Variants in CSRNP3 observed in about 807,000 individuals in gnomAD.
CSRNP3 encodes the protein cysteine/serine-rich nuclear protein 3.
In CSRNP3, 12 loss-of-function variants were observed where a neutral mutation model predicts 48.0. The observed-to-expected ratio is 0.25, with a 90% CI of 0.16 to 0.41. The LOEUF is 0.41. Among genes scored for constraint, CSRNP3 ranks in the 10% least tolerant of loss-of-function variants. CSRNP3 has a pLI of 1.00. For synonymous variants in CSRNP3, 263 were observed against 269.7 expected (o/e 0.98, Z 0.24); for missense variants, 580 against 724.4 (o/e 0.80, Z 2.29).
chr2:165,477,390 AG>A (rs1247665002), intron 1 of CSRNP3, among the ~76,000 whole-genome samples: 1 of 149,716 alleles, frequency 6.7e-6, no homozygotes, highest in Non-Finnish European at 1.5e-5. Context: ...AGGCCGAGGC[AG>A]GCAGATCACA....
Position 165,481,944 on chromosome 2 carries a change from G to A in CSRNP3, c.-283+12204G>A, listed in dbSNP as rs868682038. On this transcript the variant is annotated intron_variant, in intron 1 of 6. Transcript: ENST00000651982. The stretch of plus-strand genomic sequence containing the variant: ...GGGAGGGCTCGAGGAGACAGAGTGC[G>A]GGAAGGTGGACTGGAAGGCTACCTA... Among the ~76,000 whole-genome samples the A allele has an allele frequency of 3.9e-5, 6 of 152,170 alleles. No individual in the cohort carries two copies. The South Asian group carries it at 8.3e-4, about 21-fold the overall frequency.
At chr2:165,543,251 T>C (rs1684981477) in intron 3 of CSRNP3, among the ~76,000 whole-genome samples, 1 of 152,216 alleles carries the variant, frequency 6.6e-6, no homozygotes, top group South Asian at 2.1e-4. Context: ...TTTACATTGT[T>C]ATTCTTTTAT....
At chr2:165,561,712 C>G (rs1045052413) in intron 3 of CSRNP3, among the ~76,000 whole-genome samples, 50 of 152,160 alleles carry the variant, frequency 3.3e-4, no homozygotes, top group African/African-American at 1.1e-3. Flanking sequence ...TTAATATTTG[C>G]TACCCCACAG....
intron 3 of CSRNP3, among the ~76,000 whole-genome samples, chr2:165,534,580 T>A (rs1684857401): frequency 6.6e-6 from 1 of 151,800 alleles, no homozygotes; most frequent in Admixed American, 6.6e-5. Flanking sequence ...GAGTAAAAAA[T>A]TGAAAAAACT....
chr2:165,553,946 G>A (rs1052188257), intron 3 of CSRNP3, among the ~76,000 whole-genome samples: 2 of 152,040 alleles, frequency 1.3e-5, no homozygotes, highest in Non-Finnish European at 2.9e-5. Context: ...TTACCCATCT[G>A]CTTAGCAAAA....
In CSRNP3 at chr2:165,685,149, T is replaced by G. The variant is rs1687609604; in HGVS notation, c.*5396T>G. The G allele has an allele frequency of 6.6e-6, 1 of 152,078 alleles. No individual in the cohort carries two copies. The highest frequency in any genetic ancestry group is 2.1e-4 in the South Asian group (1 of 4,830). The allele number at this position is 152,078 out of a possible 1,614,324, so 9.4% of individuals were successfully genotyped here. On this transcript the variant is annotated 3_prime_UTR_variant, in exon 7 of 7. Transcript: ENST00000651982. ...TTTCATGATTGTCAAAAGTAAAAAGTGCAGACATTTAAAAAAGCTCTTCTT... is the reference window on the plus strand; with the variant it reads ...TTTCATGATTGTCAAAAGTAAAAAGGGCAGACATTTAAAAAAGCTCTTCTT...
chr2:165,552,555 C>G lies in CSRNP3; in HGVS notation c.-24+34594C>G, dbSNP rs554434612. 9.2e-5 allele frequency among the ~76,000 whole-genome samples: 14 copies of G among 152,260 alleles called. No homozygotes were observed. The South Asian group carries it at 2.9e-3, about 32-fold the overall frequency. On this transcript the variant is annotated intron_variant, in intron 3 of 6. Coordinates refer to ENST00000651982, the MANE Select transcript of CSRNP3 (RefSeq NM_001172173.2). The stretch of plus-strand genomic sequence containing the variant: ...GTAGTTACATCTCCTTTAATCCTCA[C>G]CAACCTAAAAGGGGCAAATTATCAT...
rs1353959528 is a variant in CSRNP3 at position 165,681,672 on chromosome 2, ATGAT to A, written c.*1922_*1925del. On this transcript the variant is annotated 3_prime_UTR_variant, in exon 7 of 7. Coordinates refer to ENST00000651982, the MANE Select transcript of CSRNP3 (RefSeq NM_001172173.2). ...ATGAGAGCAGGGTTGTTCCTTTTGA[ATGAT>A]TGGCCCTTTGGGCTAATCAGAATGA... is the stretch of plus-strand genomic sequence containing the variant. 1 of 144,136 alleles carries A rather than the reference ATGAT, an allele frequency of 6.9e-6. No homozygotes were observed. The highest frequency in any genetic ancestry group is 7.0e-5 in the Admixed American group (1 of 14,206). 8.9% of individuals were successfully genotyped at this position (144,136 alleles called of 1,614,324 possible).
intron 4 of CSRNP3, among the ~76,000 whole-genome samples, chr2:165,631,649 C>T (rs1686538541): frequency 6.6e-6 from 1 of 152,164 alleles, no homozygotes; most frequent in African/African-American, 2.4e-5. Flanking sequence ...TTACACAGAT[C>T]AGTAAGTAAA....
rs56146559 is a variant in CSRNP3 at position 165,611,379 on chromosome 2, G to GTGTGTA, written c.148+16167_148+16168insGTGTAT. Among the ~76,000 whole-genome samples the GTGTGTA allele has an allele frequency of 3.6e-3, 540 of 150,930 alleles. 6 individuals are homozygous for GTGTGTA. Among genetic ancestry groups the GTGTGTA allele is most frequent in the South Asian group, 0.014 (67 of 4,782 alleles). On this transcript the variant is annotated intron_variant, in intron 4 of 6. Coordinates refer to ENST00000651982, the MANE Select transcript of CSRNP3 (RefSeq NM_001172173.2). ...TCACGATATATGTGTGTGTGTGTGT[G>GTGTGTA]TATATACATACATATATATATGTAT...
In CSRNP3 at chr2:165,494,942, ACT is replaced by A. The variant is rs1216287400; in HGVS notation, c.-113+17_-113+18del. ...ATGATTTTACCAGTGAGTATCTAAA[ACT>A]CTGTTTCAGTTGTGCTCTAAATTGT... On this transcript the variant is annotated intron_variant, in intron 2 of 6. Transcript: ENST00000651982. 6.6e-6 allele frequency: 1 copy of A among 151,860 alleles called. No homozygotes were observed. Among genetic ancestry groups the A allele is most frequent in the Non-Finnish European group, 1.5e-5 (1 of 67,662 alleles). The allele number at this position is 151,860 out of a possible 1,614,324, so 9.4% of individuals were successfully genotyped here.
Position 165,682,590 on chromosome 2 carries a change from A to C in CSRNP3, c.*2837A>C, listed in dbSNP as rs1448916182. 3 of 152,158 alleles carry C rather than the reference A, an allele frequency of 2.0e-5. No individual in the cohort carries two copies. Among genetic ancestry groups the C allele is most frequent in the Non-Finnish European group, 4.4e-5 (3 of 68,016 alleles). 9.4% of individuals were successfully genotyped at this position (152,158 alleles called of 1,614,324 possible). On this transcript the variant is annotated 3_prime_UTR_variant, in exon 7 of 7. Transcript: ENST00000651982. ...AAAAATGTGGTTTAGAAAAGAGGATAATTGGTAGAGCTGTAGTTTGAAAAT... is the reference window on the plus strand; with the variant it reads ...AAAAATGTGGTTTAGAAAAGAGGATCATTGGTAGAGCTGTAGTTTGAAAAT...
intron 4 of CSRNP3, among the ~76,000 whole-genome samples, chr2:165,609,251 C>T (rs1423567965): frequency 1.3e-5 from 2 of 150,752 alleles, no homozygotes; most frequent in East Asian, 2.0e-4. Context: ...GTCAGGAGAT[C>T]GAGACCATCC....
At chr2:165,623,302 G>A (rs564589221) in intron 4 of CSRNP3, among the ~76,000 whole-genome samples, 3 of 152,220 alleles carry the variant, frequency 2.0e-5, no homozygotes, top group Admixed American at 6.5e-5. Context: ...CCTGAGCTAC[G>A]CCTCTTGTCA....
intron 1 of CSRNP3, among the ~76,000 whole-genome samples, chr2:165,482,591 A>G (rs1684062166): frequency 6.6e-6 from 1 of 152,130 alleles, no homozygotes; most frequent in African/African-American, 2.4e-5. Context: ...CCTGAGGGAT[A>G]CAGATATCAC....
intron 4 of CSRNP3, among the ~76,000 whole-genome samples, chr2:165,602,907 T>G (rs1405893812): frequency 6.6e-6 from 1 of 151,884 alleles, no homozygotes; most frequent in African/African-American, 2.4e-5. Context: ...TTTTTTTTAA[T>G]TTTTTTTGAG....
chr2:165,661,137 T>G (rs557948263), intron 5 of CSRNP3, among the ~76,000 whole-genome samples: 1 of 152,268 alleles, frequency 6.6e-6, no homozygotes, highest in Admixed American at 6.5e-5. Flanking sequence ...CCCCAAAACA[T>G]AGCTATTCAA....
At chr2:165,512,275 T>C (rs1047612354) in intron 2 of CSRNP3, among the ~76,000 whole-genome samples, 1 of 152,184 alleles carries the variant, frequency 6.6e-6, no homozygotes, top group African/African-American at 2.4e-5. Flanking sequence ...CTAGGGCCAG[T>C]CTCACCAATT....
chr2:165,631,689 A>G (rs573001681), intron 4 of CSRNP3, among the ~76,000 whole-genome samples: 1 of 152,370 alleles, frequency 6.6e-6, no homozygotes, highest in Admixed American at 6.5e-5. Context: ...TGCTTAAATT[A>G]TATTTTTATA....
Sources: gnomAD v4.1 joint callset for allele counts (sites outside exome capture counted in the v4.1 genomes callset) on GRCh38, gnomAD v4.1.1 for gene constraint, MANE v1.5 for transcripts, NCBI Gene and HGNC (gene_info 2026-07-23, HGNC 2026-07-21) for gene names.